Variants in ADAP1 observed in about 807,000 individuals in gnomAD.
ADAP1 encodes the protein arf-GAP with dual PH domain-containing protein 1.
A neutral mutation model predicts 54.9 loss-of-function variants in ADAP1; 31 were observed. That is an observed-to-expected ratio of 0.56 (90% CI 0.42 to 0.76). ADAP1 has a LOEUF of 0.76. Among genes scored for constraint, ADAP1 ranks in the 30% least tolerant of loss-of-function variants. ADAP1 has a pLI of 0.00. For synonymous variants in ADAP1, 313 were observed against 202.6 expected (o/e 1.55, Z -4.63); for missense variants, 535 against 512.4 (o/e 1.04, Z -0.42).
At chr7:948,581 C>T (rs926360751) in intron 1 of ADAP1, among the ~76,000 whole-genome samples, 1 of 152,174 alleles carries the variant, frequency 6.6e-6, no homozygotes, top group Non-Finnish European at 1.5e-5. Context: ...AAGCTGTCAC[C>T]ACCACCACCT....
In ADAP1 at chr7:942,927, G is replaced by A. The variant is rs1192415728; in HGVS notation, c.83-7422C>T. ...TGAGGAAGGGAGAGAGGAGGAGGAA[G>A]GGAGTGAGGAGGAGGAAGAGAGAGG... On this transcript the variant is annotated intron_variant, in intron 1 of 10. Coordinates refer to ENST00000265846, the MANE Select transcript of ADAP1 (RefSeq NM_006869.4). Among the ~76,000 whole-genome samples, 2 of 11,294 alleles carry A rather than the reference G, an allele frequency of 1.8e-4. 1 individual carries two copies. The highest frequency in any genetic ancestry group is 1.2e-3 in the Admixed American group (2 of 1,732). The allele number at this position is 11,294 out of a possible 152,430, so 7.4% of individuals were successfully genotyped here. A position where few individuals can be genotyped will look rare whatever the true frequency, so the allele number is the denominator to read the frequency against.
At chr7:952,232 C>A (rs1847289606) in intron 1 of ADAP1, among the ~76,000 whole-genome samples, 1 of 152,190 alleles carries the variant, frequency 6.6e-6, no homozygotes, top group South Asian at 2.1e-4. Flanking sequence ...GTGGGGGCCG[C>A]AGAGACCCCA....
chr7:906,704 GGGGAC>G (rs1562915315), intron 4 of ADAP1, among the ~76,000 whole-genome samples: 62 of 35,744 alleles, frequency 1.7e-3, no homozygotes, highest in South Asian at 6.2e-3. Flanking sequence ...CATGGACATG[GGGGAC>G]GGGACATCGG....
chr7:906,541 G>GAAAGGAGA (rs1554272285), intron 4 of ADAP1, among the ~76,000 whole-genome samples: 1 of 5,950 alleles, frequency 1.7e-4, no homozygotes, highest in Non-Finnish European at 2.8e-4. Context: ...GGAGAAAGGA[G>GAAAGGAGA]AAGGGAGAAA....
intron 4 of ADAP1, among the ~76,000 whole-genome samples, chr7:910,420 C>T (rs77452370): frequency 0.02 from 3,116 of 152,164 alleles, 84 homozygotes; most frequent in East Asian, 0.12. Context: ...CGGCTAAGTT[C>T]TGTATTTTTT....
In ADAP1 at chr7:946,713, G is replaced by A. The variant is rs1403080241; in HGVS notation, c.82+7683C>T. On this transcript the variant is annotated intron_variant, in intron 1 of 10. Transcript: ENST00000265846. The surrounding 1 kb of genome is among the most constrained non-coding windows in gnomAD (Gnocchi z 4.3). ...CCCCTCCAGGCTCTTCAGGGCCCTC[G>A]CACAGGGCCGACTCCTCTGCGGCCC... 3.9e-5 allele frequency among the ~76,000 whole-genome samples: 6 copies of A among 152,222 alleles called. No homozygotes were observed. The highest frequency in any genetic ancestry group is 7.3e-5 in the Non-Finnish European group (5 of 68,046).
intron 4 of ADAP1, among the ~76,000 whole-genome samples, chr7:912,496 G>T (rs191129849): frequency 3.3e-5 from 5 of 152,288 alleles, no homozygotes; most frequent in Non-Finnish European, 5.9e-5. Flanking sequence ...CGCAGAGGGT[G>T]GGGGAGCCCT....
chr7:928,687 G>A (rs976754388), intron 2 of ADAP1, among the ~76,000 whole-genome samples: 6 of 152,250 alleles, frequency 3.9e-5, no homozygotes, highest in African/African-American at 1.2e-4. Flanking sequence ...AGGATGGCAA[G>A]GTCAAAGTGG....
chr7:953,399 A>T (rs768697119), intron 1 of ADAP1, among the ~76,000 whole-genome samples: 1 of 152,128 alleles, frequency 6.6e-6, no homozygotes, highest in Admixed American at 6.5e-5. Context: ...TCCCAGAGGG[A>T]ATCAGGGACA....
intron 2 of ADAP1, among the ~76,000 whole-genome samples, chr7:932,517 G>C (rs1308121912): frequency 6.6e-6 from 1 of 152,186 alleles, no homozygotes; most frequent in East Asian, 1.9e-4. Context: ...AGTGATGGCA[G>C]AGCAACTTGG....
rs1003397447 is a variant in ADAP1, at chr7:946,751, G to A, written c.82+7645C>T. On this transcript the variant is annotated intron_variant, in intron 1 of 10. Transcript: ENST00000265846. This position sits in a 1 kb window ranked among gnomAD's most constrained non-coding sequence, Gnocchi z 4.3. ...TCCTCTGCGGCCCATCTGGTCTCTCGGCTGTCAAACCCTATTTTTGGAACT... is the reference window on the plus strand; with the variant it reads ...TCCTCTGCGGCCCATCTGGTCTCTCAGCTGTCAAACCCTATTTTTGGAACT... Among the ~76,000 whole-genome samples the A allele has an allele frequency of 2.0e-5, 3 of 152,202 alleles. No individual in the cohort carries two copies. Among genetic ancestry groups the A allele is most frequent in the Non-Finnish European group, 4.4e-5 (3 of 68,036 alleles).
chr7:927,021 G>A (rs1040695141), intron 2 of ADAP1: 21 of 1,260,456 alleles, frequency 1.7e-5, no homozygotes, highest in African/African-American at 6.2e-5. Context: ...CCCAGAGAGC[G>A]AGGGCTTCCT....
chr7:954,733 G>A, upstream of ADAP1: 2 of 979,800 alleles, frequency 2.0e-6, no homozygotes, highest in Non-Finnish European at 2.4e-6. Context: ...AGGCCCGCGG[G>A]CGGCCCCCAG....
At chr7:910,539 C>T (rs1434746146) in intron 4 of ADAP1, among the ~76,000 whole-genome samples, 4 of 152,228 alleles carry the variant, frequency 2.6e-5, no homozygotes, top group South Asian at 2.1e-4. Context: ...GTGAGCCCCA[C>T]GCCTGGCCCG....
intron 2 of ADAP1, among the ~76,000 whole-genome samples, chr7:929,857 G>A (rs1361544231): frequency 8.6e-5 from 13 of 151,508 alleles, no homozygotes; most frequent in African/African-American, 2.4e-4. Flanking sequence ...TAATCCCAGC[G>A]CTTGGGAGAC....
At chr7:907,163 G>A (rs77698182) in intron 4 of ADAP1, among the ~76,000 whole-genome samples, 6,762 of 152,206 alleles carry the variant, frequency 0.044, 227 homozygotes, top group Admixed American at 0.1. Flanking sequence ...TCCGCCTGTG[G>A]CCTCACGCAC....
chr7:935,560 G>A, intron 1 of ADAP1, 55 bp from the exon 2 acceptor site: 13 of 1,544,130 alleles, frequency 8.4e-6, no homozygotes, highest in Non-Finnish European at 1.1e-5. Flanking sequence ...CCCGGAGGGA[G>A]GGTGGACGGA....
intron 5 of ADAP1, 113 bp downstream of exon 5, chr7:904,947 G>C: frequency 3.4e-6 from 3 of 884,586 alleles, no homozygotes; most frequent in South Asian, 1.5e-5. Context: ...CCCCATCGGG[G>C]GGGGCAGCAG....
Position 898,912 on chromosome 7 carries a change from C to T in ADAP1, c.*9G>A, listed in dbSNP as rs779821642. ...GAGTCCAATGTCCGTGGTCCTCCAGCCGCACTCGCTAAGGTTTATGCTTGA... is the reference window on the plus strand; with the variant it reads ...GAGTCCAATGTCCGTGGTCCTCCAGTCGCACTCGCTAAGGTTTATGCTTGA... On this transcript the variant is annotated 3_prime_UTR_variant, in exon 11 of 11. Coordinates refer to ENST00000265846, the MANE Select transcript of ADAP1 (RefSeq NM_006869.4). 6.3e-7 allele frequency: 1 copy of T among 1,598,624 alleles called. No individual in the cohort carries two copies. Among genetic ancestry groups the T allele is most frequent in the Non-Finnish European group, 8.5e-7 (1 of 1,173,436 alleles).
Sources: gnomAD v4.1 joint callset for allele counts (sites outside exome capture counted in the v4.1 genomes callset) on GRCh38, gnomAD v4.1.1 for gene constraint, Gnocchi (gnomAD v3.1) non-coding constraint, MANE v1.5 for transcripts, NCBI Gene and HGNC (gene_info 2026-07-23, HGNC 2026-07-21) for gene names.